Variants in WDFY3 observed in about 807,000 individuals in gnomAD.
WDFY3 encodes the protein WD repeat and FYVE domain-containing protein 3.
Under a neutral mutation model 409.6 loss-of-function variants are expected in WDFY3, and 66 were observed. The ratio of observed to expected loss-of-function variants is 0.16; its 90% CI spans 0.13 to 0.20. WDFY3 has a LOEUF of 0.20. WDFY3 is among the 10% of genes least tolerant of loss of function. WDFY3 has a pLI of 1.00. For synonymous variants in WDFY3, 1,521 were observed against 1,537.1 expected (o/e 0.99, Z 0.25); for missense variants, 3,031 against 4,298.1 (o/e 0.71, Z 8.24).
chr4:84,891,385 C>A (rs1179333996), intron 3 of WDFY3, among the ~76,000 whole-genome samples: 2 of 151,792 alleles, frequency 1.3e-5, no homozygotes, highest in African/African-American at 4.8e-5. Context: ...AAAAAGAAAC[C>A]CTTATTATCT....
intron 47 of WDFY3, among the ~76,000 whole-genome samples, chr4:84,720,689 G>A (rs1734714006): frequency 6.6e-6 from 1 of 152,220 alleles, no homozygotes; most frequent in African/African-American, 2.4e-5. Flanking sequence ...CAGAAGCCGA[G>A]CAGATGCTGG....
Position 84,673,010 on chromosome 4 carries a change from CAATT to C in WDFY3, c.10458-23_10458-20del. 1 of 1,613,524 alleles carries C rather than the reference CAATT, an allele frequency of 6.2e-7. No individual in the cohort carries two copies. Among genetic ancestry groups the C allele is most frequent in the Non-Finnish European group, 8.5e-7 (1 of 1,179,830 alleles). ...ACTGCACCTAAAGGAAAGGAAAAGT[CAATT>C]AATTATAGGTCTTCTCCATGCTTGA... On this transcript the variant is annotated intron_variant, in intron 67 of 67. Transcript: ENST00000295888.
chr4:84,787,794 T>C, intron 22 of WDFY3, 81 bp from the exon 23 acceptor site: 3 of 1,254,218 alleles, frequency 2.4e-6, no homozygotes, highest in Non-Finnish European at 3.3e-6. Flanking sequence ...TGTATTTTCA[T>C]TATCCCAAGG....
chr4:84,766,194 AC>A, intron 31 of WDFY3, 57 bp downstream of exon 31: 1 of 1,526,472 alleles, frequency 6.6e-7, no homozygotes, highest in Non-Finnish European at 8.8e-7. Flanking sequence ...CTTTTGCCTA[AC>A]ATGAATTAAC....
intron 10 of WDFY3, among the ~76,000 whole-genome samples, chr4:84,822,143 C>A (rs1369532253): frequency 6.6e-6 from 1 of 151,716 alleles, no homozygotes; most frequent in Admixed American, 6.6e-5. Flanking sequence ...TTCAAACGTA[C>A]CAAATGGGGA....
intron 3 of WDFY3, among the ~76,000 whole-genome samples, chr4:84,889,650 A>T (rs1047884001): frequency 2.6e-5 from 4 of 152,210 alleles, no homozygotes; most frequent in Non-Finnish European, 5.9e-5. Context: ...TCCTCCATTC[A>T]CTATCTATGT....
intron 2 of WDFY3, among the ~76,000 whole-genome samples, chr4:84,903,432 A>G (rs1198970640): frequency 1.3e-5 from 2 of 152,086 alleles, no homozygotes; most frequent in Non-Finnish European, 2.9e-5. Flanking sequence ...CAGTCCTTCC[A>G]CTTCAGCCTC....
chr4:84,953,409 G>A (rs949190051), intron 1 of WDFY3, among the ~76,000 whole-genome samples: 16 of 152,094 alleles, frequency 1.1e-4, no homozygotes, highest in African/African-American at 3.1e-4. Context: ...TGCTAAATGA[G>A]CAGGTCATAG....
Position 84,795,767 on chromosome 4 carries a change from G to GA in WDFY3, c.3167+753dup, listed in dbSNP as rs1265681962. Among the ~76,000 whole-genome samples, 393 of 132,372 alleles carry GA rather than the reference G, an allele frequency of 3.0e-3. 1 individual carries two copies. The highest frequency in any genetic ancestry group is 6.6e-3 in the African/African-American group (243 of 36,880). The allele number at this position is 132,372 out of a possible 152,430, so 86.8% of individuals were successfully genotyped here. The stretch of plus-strand genomic sequence containing the variant: ...ACAGGGCAAGACTCTGACTCAAAAG[G>GA]AAAAAAAAAAAACAAAACTCTAATA... On this transcript the variant is annotated intron_variant, in intron 19 of 67. Transcript: ENST00000295888.
chr4:84,923,138 A>C (rs1311162152), intron 2 of WDFY3, among the ~76,000 whole-genome samples: 1 of 152,196 alleles, frequency 6.6e-6, no homozygotes, highest in Non-Finnish European at 1.5e-5. Context: ...TGGCATATTG[A>C]CTATTTAAGT....
chr4:84,959,755 T>C (rs1277996090), intron 1 of WDFY3, among the ~76,000 whole-genome samples: 1 of 152,230 alleles, frequency 6.6e-6, no homozygotes, highest in South Asian at 2.1e-4. Flanking sequence ...AAACCAGCAG[T>C]TGGACATATC....
intron 15 of WDFY3, among the ~76,000 whole-genome samples, chr4:84,804,943 C>T (rs1351763092): frequency 2.6e-5 from 4 of 152,128 alleles, no homozygotes; most frequent in African/African-American, 9.7e-5. Flanking sequence ...TTTACTAACA[C>T]AGGTTGAGTA....
At chr4:84,676,396 A>G (rs1371242249) in intron 67 of WDFY3, among the ~76,000 whole-genome samples, 1 of 152,198 alleles carries the variant, frequency 6.6e-6, no homozygotes, top group Non-Finnish European at 1.5e-5. Context: ...GAGAACCTTC[A>G]TGGCCTGTTG....
intron 36 of WDFY3, among the ~76,000 whole-genome samples, chr4:84,746,623 G>A (rs1446224225): frequency 6.6e-6 from 1 of 151,776 alleles, no homozygotes; most frequent in African/African-American, 2.4e-5. Context: ...TGGTCCTAGT[G>A]GCCTAGTTTG....
chr4:84,780,386 G>T, intron 25 of WDFY3, 88 bp from the exon 26 acceptor site: 2 of 1,260,388 alleles, frequency 1.6e-6, no homozygotes, highest in Non-Finnish European at 2.1e-6. Flanking sequence ...TTTTTAATTA[G>T]CAGTGTTTTA....
At chr4:84,729,686 TA>T (rs5859949) in intron 44 of WDFY3, among the ~76,000 whole-genome samples, 137,894 of 149,728 alleles carry the variant, frequency 0.92, 63,778 homozygotes, top group East Asian at 1. Flanking sequence ...CTTTAATGAG[TA>T]AAAAAAAAAA....
chr4:84,820,327 G>A (rs904412923), intron 11 of WDFY3, 141 bp from the exon 12 acceptor site: 6 of 545,106 alleles, frequency 1.1e-5, no homozygotes, highest in Admixed American at 4.0e-5. Flanking sequence ...TCTTTAAAAC[G>A]ATGCATGCAT....
rs1414023158 is a variant in WDFY3, at chr4:84,678,961, G to A, written c.10105C>T (p.Pro3369Ser). 6.2e-7 allele frequency: 1 copy of A among 1,614,164 alleles called. No individual in the cohort carries two copies. The highest frequency in any genetic ancestry group is 8.5e-7 in the Non-Finnish European group (1 of 1,180,020). The change falls in exon 65 of 68, where the codon CCC becomes TCC. Residue 3369 changes from proline (P) to serine (S), a missense_variant. Transcript: ENST00000295888. ...HLQGPLSHPH[P>S]NPIEVRNYSR... is the part of the protein sequence containing the mutation. ...TAATTCCGCACCTCAATGGGATTGG[G>A]GTGGGGGTGGCTAAGGGGGCCCTGC... is the stretch of plus-strand genomic sequence containing the variant.
At chr4:84,733,668 C>A in intron 43 of WDFY3, 59 bp from the exon 44 acceptor site, 1 of 1,443,614 alleles carries the variant, frequency 6.9e-7, no homozygotes, top group South Asian at 1.3e-5. Context: ...AGTAACAAGT[C>A]TACAAGTCAC....
Sources: allele counts gnomAD v4.1 joint callset (sites outside exome capture counted in the v4.1 genomes callset), GRCh38; gene constraint gnomAD v4.1.1; transcripts MANE v1.5; gene names NCBI Gene and HGNC (gene_info 2026-07-23, HGNC 2026-07-21).